DNAH9: variants seen among roughly 807,000 people sequenced by gnomAD.
DNAH9 encodes dynein axonemal heavy chain 9.
DNAH9 carries 345 observed loss-of-function variants against 471.6 expected under a neutral mutation model. That is an observed-to-expected ratio of 0.73 (90% CI 0.67 to 0.80). The LOEUF (loss-of-function observed/expected upper bound fraction) is 0.80. DNAH9 is among the 30% of genes least tolerant of loss of function. The pLI is 0.00. For synonymous variants in DNAH9, 2,093 were observed against 2,123.6 expected, an observed-to-expected ratio of 0.99 and a Z score of 0.40; for missense variants, 5,407 against 5,609.2, an observed-to-expected ratio of 0.96 and a Z score of 1.15.
rs574012019 is a variant in DNAH9, at chr17:11,933,162, G to T, written c.12298-718G>T. Among the ~76,000 whole-genome samples, 6 of 152,228 alleles carry T rather than the reference G, an allele frequency of 3.9e-5. No individual in the cohort carries two copies. In the East Asian group the frequency reaches 1.2e-3, roughly 30 times the overall value. On this transcript the variant is annotated intron_variant, in intron 64 of 68. Coordinates refer to ENST00000262442, the MANE Select transcript of DNAH9 (RefSeq NM_001372.4). ...TGTTTATTCCCTTTGAACTTTCAAA[G>T]GGGACAGTTAATCTTGTCATTAAAG...
At chr17:11,631,682 T>C (rs916436561) in intron 7 of DNAH9, among the ~76,000 whole-genome samples, 16 of 149,320 alleles carry the variant, frequency 1.1e-4, no homozygotes, top group African/African-American at 3.7e-4. Flanking sequence ...CTATATACAA[T>C]GTATTTGCTA....
Position 11,827,579 on chromosome 17 carries a change from G to T in DNAH9, c.9246+4545G>T, listed in dbSNP as rs184971777. Among the ~76,000 whole-genome samples the T allele has an allele frequency of 7.2e-5, 11 of 152,190 alleles. No individual in the cohort carries two copies. The East Asian group carries it at 2.1e-3, about 29-fold the overall frequency. On this transcript the variant is annotated intron_variant, in intron 48 of 68. Coordinates refer to ENST00000262442, the MANE Select transcript of DNAH9 (RefSeq NM_001372.4). Reference sequence around the variant, plus strand: ...TACCTCTATGTTTCAGTCACCTCCCGCCAGGCCCCACCTCCAGCATTTGAC... The same window carrying T: ...TACCTCTATGTTTCAGTCACCTCCCTCCAGGCCCCACCTCCAGCATTTGAC...
rs1468751546 is a variant in DNAH9 at position 11,942,203 on chromosome 17, C to T, written c.12661-100C>T. The stretch of plus-strand genomic sequence containing the variant: ...TGTCAGTGGGTGGAGGGGCAGCAGA[C>T]GATGGGTGATTGGCATCTCTAGTCC... On this transcript the variant is annotated intron_variant, in intron 66 of 68. Coordinates refer to ENST00000262442, the MANE Select transcript of DNAH9 (RefSeq NM_001372.4). 2.9e-5 allele frequency: 43 copies of T among 1,476,072 alleles called. No homozygotes were observed. The East Asian group carries it at 6.6e-4, about 23-fold the overall frequency. 91.4% of individuals were successfully genotyped at this position (1,476,072 alleles called of 1,614,324 possible).
intron 66 of DNAH9, among the ~76,000 whole-genome samples, chr17:11,940,613 A>G (rs1352200317): frequency 2.0e-5 from 3 of 152,166 alleles, no homozygotes; most frequent in Admixed American, 2.0e-4. Context: ...TTTTTCTAAC[A>G]TCAGCTCTTT....
chr17:11,762,758 GTTT>G (rs111963634), intron 35 of DNAH9, among the ~76,000 whole-genome samples: 3 of 94,774 alleles, frequency 3.2e-5, no homozygotes, highest in South Asian at 3.8e-4. Flanking sequence ...CTTTAGGTGC[GTTT>G]TTTTTTTTGT....
At chr17:11,698,389 A>G (rs898395476) in intron 22 of DNAH9, among the ~76,000 whole-genome samples, 6 of 54,322 alleles carry the variant, frequency 1.1e-4, no homozygotes, top group Admixed American at 2.6e-4. Context: ...TACATTATAT[A>G]TTTTATATAT....
intron 31 of DNAH9, among the ~76,000 whole-genome samples, chr17:11,745,855 T>C (rs1299142639): frequency 6.6e-6 from 1 of 152,162 alleles, no homozygotes; most frequent in Non-Finnish European, 1.5e-5. Flanking sequence ...AGCAGTATTA[T>C]GTATTGTGTG....
rs141959740 is a variant in DNAH9 at position 11,967,182 on chromosome 17, C to T, written c.13234-2118C>T. Among the ~76,000 whole-genome samples the T allele has an allele frequency of 9.1e-3, 1,388 of 152,006 alleles. 25 individuals are homozygous for T. Among genetic ancestry groups the T allele is most frequent in the African/African-American group, 0.032 (1,317 of 41,456 alleles). On this transcript the variant is annotated intron_variant, in intron 68 of 68. Coordinates refer to ENST00000262442, the MANE Select transcript of DNAH9 (RefSeq NM_001372.4). ...AGTGCAGTGGCATGAACAGGGCTCA[C>T]TGCAGCCTCAACTTCCTGGGCTCAA...
chr17:11,695,079 G>A (rs1227635481), intron 22 of DNAH9, among the ~76,000 whole-genome samples: 2 of 150,710 alleles, frequency 1.3e-5, no homozygotes, highest in Non-Finnish European at 3.0e-5. Context: ...TAGTAGAGAC[G>A]GGGTTTCACC....
chr17:11,705,048 C>T lies in DNAH9; in HGVS notation c.5415C>T (p.Leu1805=), dbSNP rs757663279. ...AQKVDNAQAF[L]WLSQLRHRWD... is the part of the protein sequence containing the mutation. ...AGGTAGACAATGCCCAGGCTTTCCTCTGGCTGTCTCAGCTGCGCCATCGTT... is the reference window on the plus strand; with the variant it reads ...AGGTAGACAATGCCCAGGCTTTCCTTTGGCTGTCTCAGCTGCGCCATCGTT... The change falls in exon 26 of 69, where the codon CTC becomes CTT. Residue 1805 remains leucine, a synonymous_variant. Transcript: ENST00000262442. 10 of 1,614,240 alleles carry T rather than the reference C, an allele frequency of 6.2e-6. No individual in the cohort carries two copies. The highest frequency in any genetic ancestry group is 8.5e-6 in the Non-Finnish European group (10 of 1,180,016).
chr17:11,943,392 GT>G (rs1207762805), intron 67 of DNAH9, among the ~76,000 whole-genome samples: 2 of 151,996 alleles, frequency 1.3e-5, no homozygotes, highest in Non-Finnish European at 2.9e-5. Flanking sequence ...CAAAATCTAG[GT>G]TAGGGCCGGG....
chr17:11,766,820 C>A (rs963975335), intron 36 of DNAH9, among the ~76,000 whole-genome samples: 5 of 151,892 alleles, frequency 3.3e-5, no homozygotes, highest in African/African-American at 9.7e-5. Context: ...AAAAATTAGC[C>A]GGGCTTGGGC....
rs766119326 is a variant in DNAH9 at position 11,891,914 on chromosome 17, T to C, written c.11250T>C (p.Asp3750=). The C allele has an allele frequency of 2.5e-6, 4 of 1,613,952 alleles. No individual in the cohort carries two copies. In the Admixed American group the frequency reaches 5.0e-5, roughly 20 times the overall value. Residue 3750 remains aspartate, a synonymous_variant, in exon 58 of 69, where the codon GAT becomes GAC. Transcript: ENST00000262442. ...QYTIRGLFEC[D]KLTYLAQLTF... ...CCATCCGCGGGCTCTTTGAGTGTGA[T>C]AAGCTGACCTACCTTGCCCAGCTCA...
intron 43 of DNAH9, among the ~76,000 whole-genome samples, chr17:11,799,164 A>G (rs888750434): frequency 2.0e-5 from 3 of 151,892 alleles, no homozygotes; most frequent in Non-Finnish European, 2.9e-5. Flanking sequence ...TCATGTTCCT[A>G]TAATAGGAAC....
At chr17:11,659,426 A>G (rs1248121267) in intron 14 of DNAH9, among the ~76,000 whole-genome samples, 1 of 152,132 alleles carries the variant, frequency 6.6e-6, no homozygotes, top group Non-Finnish European at 1.5e-5. Flanking sequence ...TCTGTGCCAA[A>G]GGGTGGAAGG....
At position 11,871,636 on chromosome 17, in the gene DNAH9, T is replaced by G. The variant is rs375617187; in HGVS notation, c.10092T>G (p.Asp3364Glu). Residue 3364 changes from aspartate (D) to glutamate (E), a missense_variant, in exon 52 of 69, where the codon GAT becomes GAG. Asp to Glu is a conservative substitution (Grantham distance 45). Coordinates refer to ENST00000262442, the MANE Select transcript of DNAH9 (RefSeq NM_001372.4). ...CTTCTGAAAACGTGAGGTGGGCAGATGCCGTGCAGAACTTCAAACAGCAGG... is the reference window on the plus strand; with the variant it reads ...CTTCTGAAAACGTGAGGTGGGCAGAGGCCGTGCAGAACTTCAAACAGCAGG... ...GLASENVRWA[D>E]AVQNFKQQER... 2.0e-5 allele frequency: 32 copies of G among 1,614,088 alleles called. No homozygotes were observed. Among genetic ancestry groups the G allele is most frequent in the Admixed American group, 5.0e-5 (3 of 60,012 alleles).
intron 1 of DNAH9, 29 bp downstream of exon 1, chr17:11,598,944 C>G: frequency 8.3e-7 from 1 of 1,205,258 alleles, no homozygotes; most frequent in African/African-American, 1.7e-5. Flanking sequence ...CCCCGCGCGG[C>G]TAAAGCTGGG....
At chr17:11,610,195 T>C (rs1258087308) in intron 2 of DNAH9, among the ~76,000 whole-genome samples, 1 of 152,192 alleles carries the variant, frequency 6.6e-6, no homozygotes, top group Admixed American at 6.5e-5. Context: ...ATTTTTTTTT[T>C]CTGGAGAGAG....
At chr17:11,705,253 G>A in intron 26 of DNAH9, 68 bp downstream of exon 26, 2 of 1,405,436 alleles carry the variant, frequency 1.4e-6, no homozygotes, top group South Asian at 2.4e-5. Flanking sequence ...TGGGCATCTA[G>A]GGTCAAAGTC....
Sources: gnomAD v4.1 joint callset for allele counts (sites outside exome capture counted in the v4.1 genomes callset) on GRCh38, gnomAD v4.1.1 for gene constraint, MANE v1.5 for transcripts, NCBI Gene and HGNC (gene_info 2026-07-23, HGNC 2026-07-21) for gene names.